DIAPH2: variants seen among roughly 807,000 people sequenced by gnomAD.
DIAPH2 encodes the protein diaphanous related formin 2.
In DIAPH2, 35 loss-of-function variants were observed where a neutral mutation model predicts 92.7. That is an observed-to-expected ratio of 0.38 (90% CI 0.29 to 0.50). The LOEUF (loss-of-function observed/expected upper bound fraction) is 0.50. Ranked by LOEUF, DIAPH2 falls within the 20% of genes least tolerant of loss-of-function variation. The pLI is 0.94. For missense variants in DIAPH2, 701 were observed against 819.5 expected (o/e 0.86, Z 1.77); for synonymous variants, 301 against 280.4 (o/e 1.07, Z -0.73).
chrX:96,693,806 G>A (rs866528712), intron 1 of DIAPH2, among the ~76,000 whole-genome samples: 8 of 112,426 alleles, frequency 7.1e-5, no homozygotes, highest in African/African-American at 1.6e-4. Context: ...AGGCTGAGGC[G>A]GGTGGATCAC....
chrX:96,841,200 A>T (rs766355257), intron 4 of DIAPH2, among the ~76,000 whole-genome samples: 5 of 111,687 alleles, frequency 4.5e-5, no homozygotes, highest in African/African-American at 1.6e-4. Flanking sequence ...CCTTTTCAAC[A>T]TATATTCTAA....
intron 4 of DIAPH2, among the ~76,000 whole-genome samples, chrX:96,821,860 C>A (rs1373413834): frequency 2.7e-5 from 3 of 111,642 alleles, no homozygotes; most frequent in Non-Finnish European, 3.8e-5. Flanking sequence ...AAGTTATTTT[C>A]ACTTTGGAAA....
rs147074358 is a variant in DIAPH2 at position 96,955,711 on chromosome X, G to A, written c.1615-2117G>A. Among the ~76,000 whole-genome samples, 86 of 112,295 alleles carry A rather than the reference G, an allele frequency of 7.7e-4. 1 individual carries two copies. The highest frequency in any genetic ancestry group is 2.6e-3 in the African/African-American group (81 of 30,963). On this transcript the variant is annotated intron_variant, in intron 15 of 26. Transcript: ENST00000324765. ...CCCCATGCAAGTCTAAAATCCAATA[G>A]GGCAGTCATTAAACCTCAGAGTTCC...
At chrX:96,790,616 A>G (rs1427716383) in intron 4 of DIAPH2, among the ~76,000 whole-genome samples, 1 of 111,125 alleles carries the variant, frequency 9.0e-6, no homozygotes, top group Non-Finnish European at 1.9e-5. Context: ...TAATTGCAGT[A>G]TTGTCTTCAT....
chrX:97,568,642 C>T (rs913815183), intron 26 of DIAPH2, among the ~76,000 whole-genome samples: 1 of 111,719 alleles, frequency 9.0e-6, no homozygotes, highest in Non-Finnish European at 1.9e-5. Context: ...AACTTGAAAA[C>T]TGTCTTGTGT....
At chrX:97,455,471 C>T (rs1400734900) in intron 26 of DIAPH2, among the ~76,000 whole-genome samples, 2 of 112,115 alleles carry the variant, frequency 1.8e-5, no homozygotes, top group Non-Finnish European at 3.8e-5. Flanking sequence ...TTCAGACTTT[C>T]ACTAAATAAG....
intron 26 of DIAPH2, among the ~76,000 whole-genome samples, chrX:97,508,281 A>T (rs1458612455): frequency 2.7e-5 from 3 of 112,161 alleles, no homozygotes; most frequent in African/African-American, 9.7e-5. Context: ...CACTGCTATT[A>T]GTCTAAATAC....
In DIAPH2 at chrX:97,295,143, A is replaced by G. The variant is rs146575320; in HGVS notation, c.2844+47304A>G. On this transcript the variant is annotated intron_variant, in intron 23 of 26. Transcript: ENST00000324765. Reference sequence around the variant, plus strand: ...GGAATCTATTTCTTTTAATGTTACCATCACTTTCCTTAGTTATACAGGTTT... The same window carrying G: ...GGAATCTATTTCTTTTAATGTTACCGTCACTTTCCTTAGTTATACAGGTTT... 6.0e-3 allele frequency among the ~76,000 whole-genome samples: 667 copies of G among 111,784 alleles called. 8 individuals are homozygous for G. The highest frequency in any genetic ancestry group is 0.02 in the African/African-American group (631 of 30,870).
At chrX:97,461,865 A>C (rs2085018468) in intron 26 of DIAPH2, among the ~76,000 whole-genome samples, 2 of 111,806 alleles carry the variant, frequency 1.8e-5, no homozygotes, top group South Asian at 7.4e-4. Flanking sequence ...ATAGCATAAA[A>C]GAGAGTATAT....
intron 26 of DIAPH2, among the ~76,000 whole-genome samples, chrX:97,457,294 C>T (rs974920677): frequency 9.8e-5 from 11 of 112,456 alleles, no homozygotes; most frequent in Admixed American, 6.6e-4. Context: ...GAATTACAGG[C>T]GTGAGCCACC....
At chrX:97,587,524 G>A (rs79146484) in intron 26 of DIAPH2, among the ~76,000 whole-genome samples, 10 of 111,806 alleles carry the variant, frequency 8.9e-5, no homozygotes, top group Middle Eastern at 4.6e-3. Context: ...AAATACCCTC[G>A]CCTATGATGA....
intron 24 of DIAPH2, among the ~76,000 whole-genome samples, chrX:97,368,087 C>T (rs918883350): frequency 8.9e-6 from 1 of 112,407 alleles, no homozygotes; most frequent in Non-Finnish European, 1.9e-5. Context: ...ACTAATCTTT[C>T]AAATAGTTTT....
intron 25 of DIAPH2, among the ~76,000 whole-genome samples, chrX:97,400,175 G>A (rs1430766556): frequency 8.9e-6 from 1 of 112,115 alleles, no homozygotes; most frequent in Non-Finnish European, 1.9e-5. Flanking sequence ...GGTTTTGTTA[G>A]CTGAACTCAT....
intron 26 of DIAPH2, among the ~76,000 whole-genome samples, chrX:97,496,833 C>G (rs1488729621): frequency 9.1e-6 from 1 of 110,390 alleles, no homozygotes; most frequent in African/African-American, 3.3e-5. Flanking sequence ...CCACTGCACC[C>G]AGCCATGAAT....
chrX:97,192,188 G>A (rs768818996), intron 22 of DIAPH2, among the ~76,000 whole-genome samples: 1 of 107,448 alleles, frequency 9.3e-6, no homozygotes, highest in East Asian at 2.9e-4. Context: ...CAGCTACTTG[G>A]GAGGCTGAGG....
At chrX:97,055,656 C>A (rs2066551607) in intron 17 of DIAPH2, among the ~76,000 whole-genome samples, 1 of 110,385 alleles carries the variant, frequency 9.1e-6, no homozygotes, top group Admixed American at 9.6e-5. Flanking sequence ...TTGCACAGGG[C>A]AAAAAATATA....
At chrX:97,313,616 C>A (rs2068815473) in intron 23 of DIAPH2, among the ~76,000 whole-genome samples, 1 of 110,914 alleles carries the variant, frequency 9.0e-6, no homozygotes, top group South Asian at 3.8e-4. Flanking sequence ...AAAAATAGAA[C>A]CATGGAGTCA....
At chrX:97,391,328 C>A (rs1025228309) in intron 25 of DIAPH2, among the ~76,000 whole-genome samples, 8 of 111,065 alleles carry the variant, frequency 7.2e-5, no homozygotes, top group Admixed American at 2.9e-4. Context: ...GGCGTGAAAG[C>A]CTATGGAAGA....
chrX:97,153,593 C>T (rs1262112753), intron 22 of DIAPH2, among the ~76,000 whole-genome samples: 4 of 111,033 alleles, frequency 3.6e-5, no homozygotes, highest in African/African-American at 1.3e-4. Flanking sequence ...CTCAAAAAAA[C>T]AAAACAAACA....
Sources: allele counts gnomAD v4.1 joint callset (sites outside exome capture counted in the v4.1 genomes callset), GRCh38; gene constraint gnomAD v4.1.1; transcripts MANE v1.5; gene names NCBI Gene and HGNC (gene_info 2026-07-23, HGNC 2026-07-21).